Variants in PEAK1 observed in about 807,000 individuals in gnomAD.
The protein encoded by PEAK1 is pseudopodium enriched atypical kinase 1, also known as inactive tyrosine-protein kinase PEAK1.
Under a neutral mutation model 124.7 loss-of-function variants are expected in PEAK1, and 54 were observed. The observed-to-expected ratio is 0.43, with a 90% CI of 0.35 to 0.54. PEAK1 has a LOEUF of 0.54. Ranked by LOEUF, PEAK1 falls within the 20% of genes least tolerant of loss-of-function variation. The pLI is 0.01. For missense variants in PEAK1, 2,046 were observed against 2,134.5 expected, an observed-to-expected ratio of 0.96 and a Z score of 0.82; for synonymous variants, 719 against 760.0, an observed-to-expected ratio of 0.95 and a Z score of 0.89.
At chr15:77,178,633 A>G in intron 7 of PEAK1, 157 bp downstream of exon 7, 1 of 753,734 alleles carries the variant, frequency 1.3e-6, no homozygotes, top group Non-Finnish European at 2.1e-6. Context: ...CTTTAATACT[A>G]TTCTAATCTT....
rs768315026 is a variant in PEAK1, at chr15:77,180,846, A to G, written c.1081T>C (p.Ser361Pro). ...ESRSETASSL[S>P]QKICNGGLSP... ...AATCCCCCATTACAAATCTTCTGGG[A>G]TAAACTACTGGCTGTCTCAGAACGT... Residue 361 changes from serine to proline, a missense_variant, in exon 7 of 10, where the codon TCC becomes CCC. Ser to Pro is a moderately conservative substitution (Grantham distance 74). Coordinates refer to ENST00000682557, the MANE Select transcript of PEAK1 (RefSeq NM_001385026.1). 6.2e-7 allele frequency: 1 copy of G among 1,613,884 alleles called. No homozygotes were observed. Among genetic ancestry groups the G allele is most frequent in the Non-Finnish European group, 8.5e-7 (1 of 1,179,898 alleles).
At chr15:77,333,406 A>C in intron 2 of PEAK1, 1 of 977,056 alleles carries the variant, frequency 1.0e-6, no homozygotes, top group Non-Finnish European at 1.2e-6. Context: ...ACTGAGTAGA[A>C]GTCTGGGTAT....
At chr15:77,176,331 A>AG (rs72534064) in intron 7 of PEAK1, among the ~76,000 whole-genome samples, 10 of 152,012 alleles carry the variant, frequency 6.6e-5, no homozygotes, top group East Asian at 1.9e-4. Flanking sequence ...TCAAAAAAAA[A>AG]AGAAAAGTTT....
intron 5 of PEAK1, among the ~76,000 whole-genome samples, chr15:77,258,029 G>C (rs2061252940): frequency 6.6e-6 from 1 of 152,168 alleles, no homozygotes; most frequent in Non-Finnish European, 1.5e-5. Flanking sequence ...TCAAAGATCA[G>C]ATAGTTGTAG....
At chr15:77,410,096 A>G (rs1292041916) in intron 1 of PEAK1, among the ~76,000 whole-genome samples, 7 of 145,738 alleles carry the variant, frequency 4.8e-5, no homozygotes, top group Middle Eastern at 3.5e-3. Flanking sequence ...TTTTAGACAG[A>G]GTTTCGCTCT....
At chr15:77,397,574 T>TAAATA (rs1250289205) in intron 1 of PEAK1, among the ~76,000 whole-genome samples, 1 of 151,420 alleles carries the variant, frequency 6.6e-6, no homozygotes, top group Non-Finnish European at 1.5e-5. Flanking sequence ...AAGACTCAAA[T>TAAATA]AAATAAAATA....
At chr15:77,151,102 T>C (rs568138725) in intron 8 of PEAK1, among the ~76,000 whole-genome samples, 1 of 152,172 alleles carries the variant, frequency 6.6e-6, no homozygotes, top group African/African-American at 2.4e-5. Flanking sequence ...ACTTCCACAA[T>C]GGTTGAACTA....
chr15:77,167,292 T>C (rs973006125), intron 7 of PEAK1, among the ~76,000 whole-genome samples: 1 of 152,172 alleles, frequency 6.6e-6, no homozygotes, highest in African/African-American at 2.4e-5. Context: ...TGAGGTTTAT[T>C]CTTAGTCAGT....
chr15:77,234,426 C>T (rs995224594), intron 6 of PEAK1, among the ~76,000 whole-genome samples: 7 of 151,976 alleles, frequency 4.6e-5, no homozygotes, highest in Non-Finnish European at 7.4e-5. Context: ...ATCTTTAACA[C>T]AATTGTTTAC....
chr15:77,368,473 A>T (rs1184591097), intron 1 of PEAK1, among the ~76,000 whole-genome samples: 1 of 151,886 alleles, frequency 6.6e-6, no homozygotes, highest in Non-Finnish European at 1.5e-5. Flanking sequence ...AGCTGAGATC[A>T]CGCCACTGTA....
At position 77,352,372 on chromosome 15, in the gene PEAK1, A is replaced by G. The variant is rs934703469; in HGVS notation, c.-603+12791T>C. ...CTTTCTATCTACCTGAAACCCCAGA[A>G]CTCTGCTCAAATGGCCCTGAGTCCA... On this transcript the variant is annotated intron_variant, in intron 2 of 9. Coordinates refer to ENST00000682557, the MANE Select transcript of PEAK1 (RefSeq NM_001385026.1). The G allele has an allele frequency of 4.1e-6, 4 of 984,944 alleles. No homozygotes were observed. In the African/African-American group the frequency reaches 5.3e-5, roughly 13 times the overall value. 61.0% of individuals were successfully genotyped at this position (984,944 alleles called of 1,614,324 possible).
At position 77,180,056 on chromosome 15, in the gene PEAK1, A is replaced by T; in HGVS notation, c.1871T>A (p.Ile624Asn). Residue 624 changes from isoleucine (I) to asparagine (N), a missense_variant, in exon 7 of 10, where the codon ATC becomes AAC. Transcript: ENST00000682557. ...TGGATTGATAACAATGGGAACTTTG[A>T]TAGCATTTTTGGAACTCCGAGCATA... ...PTYARSSKNA[I>N]KVPIVINPNA... 1 of 1,614,052 alleles carries T rather than the reference A, an allele frequency of 6.2e-7. No homozygotes were observed. Among genetic ancestry groups the T allele is most frequent in the Non-Finnish European group, 8.5e-7 (1 of 1,179,926 alleles).
At chr15:77,316,947 G>C (rs767701179) in intron 2 of PEAK1, among the ~76,000 whole-genome samples, 1 of 152,042 alleles carries the variant, frequency 6.6e-6, no homozygotes, top group Non-Finnish European at 1.5e-5. Context: ...TGGGCGTGGT[G>C]GCGTGCACCT....
chr15:77,262,293 C>T (rs951271894), intron 5 of PEAK1, among the ~76,000 whole-genome samples: 22 of 152,054 alleles, frequency 1.4e-4, no homozygotes, highest in African/African-American at 4.1e-4. Context: ...CTAAATGCTC[C>T]AATTAGAAGA....
At chr15:77,168,041 T>C (rs1235422458) in intron 7 of PEAK1, among the ~76,000 whole-genome samples, 1 of 152,060 alleles carries the variant, frequency 6.6e-6, no homozygotes, top group Non-Finnish European at 1.5e-5. Context: ...TCCAGCTTCA[T>C]CCATGTCTCT....
At chr15:77,367,932 T>C (rs1219702531) in intron 1 of PEAK1, among the ~76,000 whole-genome samples, 1 of 152,196 alleles carries the variant, frequency 6.6e-6, no homozygotes, top group Non-Finnish European at 1.5e-5. Flanking sequence ...GTGATCACCA[T>C]TGCCAGTGAA....
At chr15:77,304,087 G>C (rs1046135801) in intron 2 of PEAK1, among the ~76,000 whole-genome samples, 1 of 152,164 alleles carries the variant, frequency 6.6e-6, no homozygotes, top group Middle Eastern at 3.4e-3. Context: ...CTTGATTATC[G>C]TGGCCTTACA....
intron 6 of PEAK1, among the ~76,000 whole-genome samples, chr15:77,221,567 C>T (rs531005906): frequency 6.6e-6 from 1 of 152,046 alleles, no homozygotes; most frequent in Non-Finnish European, 1.5e-5. Context: ...AACTAGAGTT[C>T]CCATTTATAT....
At chr15:77,382,572 C>T (rs1449697484) in intron 1 of PEAK1, among the ~76,000 whole-genome samples, 1 of 152,156 alleles carries the variant, frequency 6.6e-6, no homozygotes, top group Non-Finnish European at 1.5e-5. Context: ...TCATGCACAC[C>T]TCTATCAAAC....
Sources: allele counts gnomAD v4.1 joint callset (sites outside exome capture counted in the v4.1 genomes callset), GRCh38; gene constraint gnomAD v4.1.1; transcripts MANE v1.5; gene names NCBI Gene and HGNC (gene_info 2026-07-23, HGNC 2026-07-21).